GABRA5: variants seen among roughly 807,000 people sequenced by gnomAD.
The protein encoded by GABRA5 is gamma-aminobutyric acid receptor subunit alpha-5.
In GABRA5, 18 loss-of-function variants were observed where a neutral mutation model predicts 47.3. The ratio of observed to expected loss-of-function variants is 0.38; its 90% CI spans 0.26 to 0.56. GABRA5 has a LOEUF of 0.56. GABRA5 is among the 20% of genes least tolerant of loss of function. The pLI is 0.71. For synonymous variants in GABRA5, 237 were observed against 229.3 expected (o/e 1.03, Z -0.30); for missense variants, 365 against 599.3 (o/e 0.61, Z 4.08).
In GABRA5 at chr15:26,880,657, GTATCC is replaced by G. The variant is rs563968384; in HGVS notation, c.87-187_87-183del. The G allele has an allele frequency of 3.0e-3, 1,494 of 503,346 alleles. 23 individuals are homozygous for G. Among genetic ancestry groups the G allele is most frequent in the African/African-American group, 0.027 (1,373 of 51,326 alleles). The allele number at this position is 503,346 out of a possible 1,614,324, so 31.2% of individuals were successfully genotyped here. ...GGTTGGATAACTAGCCCCAAGCAGAGTATCCTTGGATGTTGGAGAACTGAGGTGTA... is the reference window on the plus strand; with the variant it reads ...GGTTGGATAACTAGCCCCAAGCAGAGTTGGATGTTGGAGAACTGAGGTGTA... On this transcript the variant is annotated intron_variant, in intron 3 of 10. Transcript: ENST00000335625.
chr15:26,906,491 A>G (rs1893447508), intron 6 of GABRA5, among the ~76,000 whole-genome samples: 1 of 152,166 alleles, frequency 6.6e-6, no homozygotes, highest in Non-Finnish European at 1.5e-5. Flanking sequence ...GTATGTGTCC[A>G]GCCCTGGGCA....
chr15:26,947,657 G>C (rs568124324), intron 10 of GABRA5, among the ~76,000 whole-genome samples: 2 of 152,280 alleles, frequency 1.3e-5, no homozygotes, highest in South Asian at 2.1e-4. Context: ...ATTGTGAATA[G>C]TGTTGCAGTG....
At chr15:26,892,954 T>G (rs930962829) in intron 6 of GABRA5, among the ~76,000 whole-genome samples, 3 of 151,294 alleles carry the variant, frequency 2.0e-5, no homozygotes, top group Non-Finnish European at 4.4e-5. Context: ...GTAGTGTGTG[T>G]ATGGTGTGTG....
At chr15:26,934,617 C>T (rs1894192011) in intron 7 of GABRA5, among the ~76,000 whole-genome samples, 1 of 151,578 alleles carries the variant, frequency 6.6e-6, no homozygotes. Context: ...ACTCGACATT[C>T]ACATATCCAC....
At chr15:26,938,947 T>A (rs561281363) in intron 8 of GABRA5, among the ~76,000 whole-genome samples, 1 of 152,224 alleles carries the variant, frequency 6.6e-6, no homozygotes, top group Non-Finnish European at 1.5e-5. Flanking sequence ...CAGACTCTAA[T>A]GTCCCAACAC....
chr15:26,924,835 C>T (rs779491176), intron 7 of GABRA5, among the ~76,000 whole-genome samples: 16 of 152,070 alleles, frequency 1.1e-4, no homozygotes, highest in Non-Finnish European at 2.2e-4. Flanking sequence ...TCTGTTTGTG[C>T]CCGTTGGTGT....
At chr15:26,925,304 G>C (rs1254797905) in intron 7 of GABRA5, among the ~76,000 whole-genome samples, 6 of 151,806 alleles carry the variant, frequency 4.0e-5, no homozygotes, top group Admixed American at 2.6e-4. Flanking sequence ...CTAGGGGTGT[G>C]CTCATGTTTT....
At chr15:26,916,204 G>T (rs111932946) in intron 7 of GABRA5, among the ~76,000 whole-genome samples, 1 of 151,988 alleles carries the variant, frequency 6.6e-6, no homozygotes, top group African/African-American at 2.4e-5. Flanking sequence ...TTTCCTTACT[G>T]TGACAATTAG....
chr15:26,921,811 A>G (rs1026266173), intron 7 of GABRA5, among the ~76,000 whole-genome samples: 3 of 152,040 alleles, frequency 2.0e-5, no homozygotes, highest in African/African-American at 2.4e-5. Flanking sequence ...ATTCCATTAA[A>G]TGTATTTCTA....
chr15:26,899,652 T>A (rs543331778), intron 6 of GABRA5, among the ~76,000 whole-genome samples: 1 of 152,214 alleles, frequency 6.6e-6, no homozygotes, highest in Non-Finnish European at 1.5e-5. Context: ...TACATTTTGA[T>A]GAACAGAGCC....
chr15:26,874,542 G>T (rs543738064), intron 3 of GABRA5, among the ~76,000 whole-genome samples: 1 of 152,106 alleles, frequency 6.6e-6, no homozygotes, highest in South Asian at 2.1e-4. Context: ...AAGGAATGGG[G>T]GGAGGACTAT....
intron 3 of GABRA5, among the ~76,000 whole-genome samples, chr15:26,871,896 T>C (rs536592676): frequency 6.6e-6 from 1 of 152,200 alleles, no homozygotes; most frequent in Non-Finnish European, 1.5e-5. Flanking sequence ...TCTTAGGTAT[T>C]TGAGATTATT....
At chr15:26,914,563 T>C (rs892400408) in intron 6 of GABRA5, among the ~76,000 whole-genome samples, 2 of 152,218 alleles carry the variant, frequency 1.3e-5, no homozygotes, top group South Asian at 2.1e-4. Flanking sequence ...AGCAGTAATA[T>C]ATGTATAGGT....
Position 26,936,799 on chromosome 15 carries a change from G to A in GABRA5, c.581-386G>A, listed in dbSNP as rs149831846. ...ATAGCCAGAGCCCTCAGACATGGTTGCTGTTTTTATCCCATTCTATGATGA... is the reference window on the plus strand; with the variant it reads ...ATAGCCAGAGCCCTCAGACATGGTTACTGTTTTTATCCCATTCTATGATGA... On this transcript the variant is annotated intron_variant, in intron 7 of 10. Transcript: ENST00000335625. Among the ~76,000 whole-genome samples, 6 of 152,308 alleles carry A rather than the reference G, an allele frequency of 3.9e-5. No individual in the cohort carries two copies. The East Asian group carries it at 1.2e-3, about 29-fold the overall frequency.
chr15:26,900,987 C>T (rs533038581), intron 6 of GABRA5, among the ~76,000 whole-genome samples: 1 of 152,132 alleles, frequency 6.6e-6, no homozygotes, highest in African/African-American at 2.4e-5. Context: ...GCTCACTTCA[C>T]TTAGTAAAAT....
upstream of GABRA5, chr15:26,866,803 G>A (rs532832715): frequency 4.2e-4 from 64 of 152,340 alleles, no homozygotes; most frequent in African/African-American, 1.5e-3. Flanking sequence ...CGTTGGGGCC[G>A]GCTCTAGGGA....
intron 8 of GABRA5, 60 bp downstream of exon 8, chr15:26,937,388 G>A (rs1894272137): frequency 2.0e-6 from 3 of 1,511,190 alleles, no homozygotes; most frequent in East Asian, 2.3e-5. Context: ...CCCTTGGAGA[G>A]CTTGCTGCTC....
At chr15:26,937,415 G>T in intron 8 of GABRA5, 87 bp downstream of exon 8, 2 of 1,394,840 alleles carry the variant, frequency 1.4e-6, no homozygotes, top group Non-Finnish European at 9.5e-7. Flanking sequence ...CCTCTCTGCA[G>T]GGGCCACGTG....
intron 6 of GABRA5, among the ~76,000 whole-genome samples, chr15:26,890,635 C>A (rs988241980): frequency 6.6e-6 from 1 of 152,118 alleles, no homozygotes; most frequent in South Asian, 2.1e-4. Context: ...AGAGACTTTG[C>A]ACCAGCCTGC....
Sources: allele counts gnomAD v4.1 joint callset (sites outside exome capture counted in the v4.1 genomes callset), GRCh38; gene constraint gnomAD v4.1.1; transcripts MANE v1.5; gene names NCBI Gene and HGNC (gene_info 2026-07-23, HGNC 2026-07-21).